The following DCAF6 variants were observed in gnomAD, a reference collection of about 807,000 sequenced individuals.
DCAF6 encodes DDB1 and CUL4 associated factor 6, also known as DDB1- and CUL4-associated factor 6.
Under a neutral mutation model 125.1 loss-of-function variants are expected in DCAF6, and 54 were observed. The observed-to-expected ratio is 0.43, with a 90% CI of 0.35 to 0.54. The LOEUF (loss-of-function observed/expected upper bound fraction) is 0.54, where lower values mean the gene tolerates loss of function less well. Ranked by LOEUF, DCAF6 falls within the 20% of genes least tolerant of loss-of-function variation. The pLI, the probability that DCAF6 is intolerant of heterozygous loss-of-function variation, is 0.01. For synonymous variants in DCAF6, 371 were observed against 390.4 expected (o/e 0.95, Z 0.58); for missense variants, 934 against 1,161.7 (o/e 0.80, Z 2.85).
chr1:167,894,993 G>A, the DCAF6 span, among the ~76,000 whole-genome samples: 1 of 152,058 alleles, frequency 6.6e-6, no homozygotes, highest in African/African-American at 2.4e-5. Flanking sequence ...GACCATCCTG[G>A]CCAACATGGG....
Position 168,035,983 on chromosome 1 carries a change from A to AC in DCAF6, c.1610-2385dup, listed in dbSNP as rs577632449. Among the ~76,000 whole-genome samples, 126 of 152,190 alleles carry AC rather than the reference A, an allele frequency of 8.3e-4. 2 individuals carry two copies. The South Asian group carries it at 0.025, about 30-fold the overall frequency. ...AGGCTGAGGCAGGAGAATTGCTGGA[A>AC]CCCGGGAGGCGGAGCTTGCAGTGGG... On this transcript the variant is annotated intron_variant, in intron 12 of 21. Coordinates refer to ENST00000367840, the MANE Select transcript of DCAF6 (RefSeq NM_001198956.2).
chr1:167,997,702 C>T (rs887126563), intron 7 of DCAF6, among the ~76,000 whole-genome samples: 4 of 151,918 alleles, frequency 2.6e-5, no homozygotes, highest in East Asian at 3.9e-4. Flanking sequence ...AAGAGTGACC[C>T]ACAGGATGGG....
chr1:167,929,387 T>C, the DCAF6 span, among the ~76,000 whole-genome samples: 1 of 152,258 alleles, frequency 6.6e-6, no homozygotes, highest in South Asian at 2.1e-4. Flanking sequence ...AGTCTACACA[T>C]TTTAAACTAT....
chr1:167,954,522 G>A (rs982160630), intron 2 of DCAF6, among the ~76,000 whole-genome samples: 1 of 151,198 alleles, frequency 6.6e-6, no homozygotes, highest in Non-Finnish European at 1.5e-5. Context: ...GCACAATCTC[G>A]GCTCACTGCA....
the DCAF6 span, among the ~76,000 whole-genome samples, chr1:167,900,038 C>A: frequency 4.6e-5 from 7 of 152,162 alleles, no homozygotes; most frequent in African/African-American, 1.7e-4. Context: ...TTTTAGACAA[C>A]AAAGGGTGGG....
intron 2 of DCAF6, among the ~76,000 whole-genome samples, chr1:167,954,813 T>C (rs1674517733): frequency 6.6e-6 from 1 of 152,242 alleles, no homozygotes; most frequent in African/African-American, 2.4e-5. Context: ...TAAAGTGTAC[T>C]ATTTGATATG....
intron 19 of DCAF6, 107 bp downstream of exon 19, chr1:168,065,853 A>C: frequency 9.3e-7 from 1 of 1,077,164 alleles, no homozygotes; most frequent in Non-Finnish European, 1.3e-6. Context: ...AATCCAAACT[A>C]TCTGACTAGG....
chr1:167,891,301 G>A, the DCAF6 span, among the ~76,000 whole-genome samples: 1 of 152,008 alleles, frequency 6.6e-6, no homozygotes, highest in Non-Finnish European at 1.5e-5. Context: ...CCTCTCTGGG[G>A]TGGTGGTATA....
chr1:168,002,001 G>GCAATAGATTCTGTTTGGGAAC (rs1189616959), intron 7 of DCAF6, among the ~76,000 whole-genome samples: 4 of 152,106 alleles, frequency 2.6e-5, no homozygotes, highest in Non-Finnish European at 5.9e-5. Context: ...ATAAAGGGTC[G>GCAATAGATTCTGTTTGGGAAC]CAATAGATTC....
chr1:168,068,276 A>T, intron 20 of DCAF6, 82 bp from the exon 21 acceptor site: 3 of 914,888 alleles, frequency 3.3e-6, no homozygotes, highest in Non-Finnish European at 5.2e-6. Flanking sequence ...GTACTGGCTG[A>T]TTGTTTACGG....
At chr1:167,962,506 T>C (rs975163094) in intron 2 of DCAF6, among the ~76,000 whole-genome samples, 1 of 152,234 alleles carries the variant, frequency 6.6e-6, no homozygotes, top group African/African-American at 2.4e-5. Context: ...CTGAAATTAA[T>C]GTAACTACTC....
rs147698580 is a variant in DCAF6, at chr1:167,982,638, T to C, written c.439-4857T>C. ...CTGTTTACTTTGTTGATAGTTTCTT[T>C]TGCTGTGCAGAGCTTTTTAGTTTAA... On this transcript the variant is annotated intron_variant, in intron 4 of 21. Coordinates refer to ENST00000367840, the MANE Select transcript of DCAF6 (RefSeq NM_001198956.2). Among the ~76,000 whole-genome samples the C allele has an allele frequency of 6.6e-5, 10 of 152,354 alleles. No individual in the cohort carries two copies. In the East Asian group the frequency reaches 1.9e-3, roughly 29 times the overall value.
the DCAF6 span, among the ~76,000 whole-genome samples, chr1:167,869,802 G>A: frequency 6.6e-6 from 1 of 151,912 alleles, no homozygotes; most frequent in Non-Finnish European, 1.5e-5. Context: ...TGACGAGCTC[G>A]GATTTTGAGA....
chr1:167,892,118 A>G, the DCAF6 span, among the ~76,000 whole-genome samples: 2 of 151,892 alleles, frequency 1.3e-5, no homozygotes, highest in Non-Finnish European at 2.9e-5. Flanking sequence ...GGCTACAGGC[A>G]CGTGCCACCA....
rs540446504 is a variant in DCAF6, at chr1:168,027,832, A to G, written c.1609+4785A>G. On this transcript the variant is annotated intron_variant, in intron 12 of 21. Coordinates refer to ENST00000367840, the MANE Select transcript of DCAF6 (RefSeq NM_001198956.2). ...GCTTATTTATCCTGAATTTTTAACA[A>G]AATCACAATTTGATAGAAGTATGTT... Among the ~76,000 whole-genome samples the G allele has an allele frequency of 7.6e-4, 116 of 152,296 alleles. 2 individuals carry two copies. The highest frequency in any genetic ancestry group is 3.4e-3 in the Middle Eastern group (1 of 294).
At chr1:167,980,179 C>T (rs1399786490) in intron 4 of DCAF6, among the ~76,000 whole-genome samples, 1 of 152,064 alleles carries the variant, frequency 6.6e-6, no homozygotes, top group Non-Finnish European at 1.5e-5. Flanking sequence ...GACTCCATCT[C>T]AGAAATAAAT....
At chr1:168,045,248 CA>C in intron 16 of DCAF6, 21 bp downstream of exon 16, 1 of 1,560,028 alleles carries the variant, frequency 6.4e-7, no homozygotes, top group Non-Finnish European at 8.7e-7. Flanking sequence ...TTTTAATTAA[CA>C]TGAACTGTAA....
intron 3 of DCAF6, among the ~76,000 whole-genome samples, chr1:167,973,864 G>C (rs1368059557): frequency 2.0e-5 from 3 of 151,598 alleles, no homozygotes; most frequent in Non-Finnish European, 4.4e-5. Context: ...CATTTTTTTT[G>C]GTCTTATTGG....
At chr1:167,961,336 G>A (rs943040525) in intron 2 of DCAF6, among the ~76,000 whole-genome samples, 10 of 152,114 alleles carry the variant, frequency 6.6e-5, no homozygotes, top group Admixed American at 4.6e-4. Flanking sequence ...TCCGCCTCCC[G>A]GGTTCATGCC....
Sources: allele counts gnomAD v4.1 joint callset (sites outside exome capture counted in the v4.1 genomes callset), GRCh38; gene constraint gnomAD v4.1.1; transcripts MANE v1.5; gene names NCBI Gene and HGNC (gene_info 2026-07-23, HGNC 2026-07-21).